CDH4: variants seen among roughly 807,000 people sequenced by gnomAD.
The protein encoded by CDH4 is cadherin 4, also known as cadherin-4.
In CDH4, 33 loss-of-function variants were observed where a neutral mutation model predicts 86.0. That is an observed-to-expected ratio of 0.38 (90% CI 0.29 to 0.51). The LOEUF (loss-of-function observed/expected upper bound fraction) is 0.51, where lower values mean the gene tolerates loss of function less well. CDH4 is among the 20% of genes least tolerant of loss of function. The pLI is 0.86. For synonymous variants in CDH4, 555 were observed against 549.4 expected, an observed-to-expected ratio of 1.01 and a Z score of -0.14; for missense variants, 1,114 against 1,307.4, an observed-to-expected ratio of 0.85 and a Z score of 2.28.
intron 2 of CDH4, among the ~76,000 whole-genome samples, chr20:61,405,582 A>C (rs1352483882): frequency 4.6e-5 from 7 of 152,118 alleles, no homozygotes; most frequent in Non-Finnish European, 1.0e-4. Flanking sequence ...ATGAAATCTG[A>C]GGCTGAAGTA....
intron 2 of CDH4, among the ~76,000 whole-genome samples, chr20:61,646,475 C>G (rs2087062433): frequency 6.6e-6 from 1 of 152,236 alleles, no homozygotes; most frequent in Non-Finnish European, 1.5e-5. Flanking sequence ...CCTGGGCTCA[C>G]CCTGGCTCTG....
In CDH4 at chr20:61,707,924, C is replaced by T. The variant is rs563614604; in HGVS notation, c.170-35639C>T. On this transcript the variant is annotated intron_variant, in intron 2 of 15. Coordinates refer to ENST00000614565, the MANE Select transcript of CDH4 (RefSeq NM_001794.5). The stretch of plus-strand genomic sequence containing the variant: ...AATGTGTCTGGTGTGTTTGTTTCCA[C>T]GTTATGCCTGCGGATGACAGGGAGG... 1.1e-4 allele frequency among the ~76,000 whole-genome samples: 17 copies of T among 152,274 alleles called. No individual in the cohort carries two copies. The South Asian group carries it at 3.1e-3, about 28-fold the overall frequency.
chr20:61,924,537 G>C (rs2055023977), intron 11 of CDH4, 61 bp downstream of exon 11: 1 of 1,561,448 alleles, frequency 6.4e-7, no homozygotes, highest in Non-Finnish European at 8.7e-7. Flanking sequence ...GGGTTCTGTG[G>C]GCGAGGGAGG....
At chr20:61,872,365 G>A (rs1417746953) in intron 6 of CDH4, among the ~76,000 whole-genome samples, 1 of 152,250 alleles carries the variant, frequency 6.6e-6, no homozygotes, top group African/African-American at 2.4e-5. Context: ...ATGAGGAGGA[G>A]TTGGCCAGGT....
At chr20:61,714,467 G>A (rs996351896) in intron 2 of CDH4, among the ~76,000 whole-genome samples, 2 of 151,744 alleles carry the variant, frequency 1.3e-5, no homozygotes, top group Non-Finnish European at 2.9e-5. Context: ...AGTGTTTTTG[G>A]TGACATGGAT....
At chr20:61,511,654 G>A (rs533278549) in intron 2 of CDH4, among the ~76,000 whole-genome samples, 20 of 152,352 alleles carry the variant, frequency 1.3e-4, no homozygotes, top group Admixed American at 2.6e-4. Flanking sequence ...CTTTGTGGCC[G>A]TTTTCTAGAT....
rs1038920300 is a variant in CDH4 at position 61,539,927 on chromosome 20, C to T, written c.170-203636C>T. Among the ~76,000 whole-genome samples the T allele has an allele frequency of 4.6e-5, 7 of 151,286 alleles. No individual in the cohort carries two copies. The South Asian group carries it at 1.4e-3, about 31-fold the overall frequency. On this transcript the variant is annotated intron_variant, in intron 2 of 15. Coordinates refer to ENST00000614565, the MANE Select transcript of CDH4 (RefSeq NM_001794.5). ...GAGAGTGTTTGGAGAACTGTGTGGACTCTGTGTGCTCACCACATTCCCTGT... is the reference window on the plus strand; with the variant it reads ...GAGAGTGTTTGGAGAACTGTGTGGATTCTGTGTGCTCACCACATTCCCTGT...
intron 2 of CDH4, among the ~76,000 whole-genome samples, chr20:61,318,061 T>C (rs897134559): frequency 6.6e-6 from 1 of 152,098 alleles, no homozygotes; most frequent in African/African-American, 2.4e-5. Context: ...GGTTTCCTGC[T>C]CTCCGTCCCG....
chr20:61,783,093 A>G (rs981489627), intron 4 of CDH4, among the ~76,000 whole-genome samples: 2 of 152,242 alleles, frequency 1.3e-5, no homozygotes, highest in East Asian at 3.8e-4. Context: ...TCAAAAAAAA[A>G]GAATTTCTTT....
intron 2 of CDH4, among the ~76,000 whole-genome samples, chr20:61,376,292 C>T (rs190675684): frequency 3.5e-4 from 53 of 151,828 alleles, no homozygotes; most frequent in African/African-American, 1.2e-3. Flanking sequence ...CCCCTGAGAC[C>T]GGCCACAAAA....
At chr20:61,476,062 G>C (rs1452487853) in intron 2 of CDH4, among the ~76,000 whole-genome samples, 1 of 152,230 alleles carries the variant, frequency 6.6e-6, no homozygotes, top group African/African-American at 2.4e-5. Context: ...AGGAATAACA[G>C]TAGTGGTGAC....
At chr20:61,642,598 T>TC (rs113334639) in intron 2 of CDH4, among the ~76,000 whole-genome samples, 1,788 of 152,260 alleles carry the variant, frequency 0.012, 26 homozygotes, top group African/African-American at 0.04. Flanking sequence ...TCCTTAAGAA[T>TC]CCCCCAATGA....
At chr20:61,882,455 T>C (rs1379650428) in intron 7 of CDH4, among the ~76,000 whole-genome samples, 1 of 152,216 alleles carries the variant, frequency 6.6e-6, no homozygotes, top group East Asian at 1.9e-4. Context: ...GAGAGATTTC[T>C]ATTCAAATCC....
intron 2 of CDH4, among the ~76,000 whole-genome samples, chr20:61,289,362 C>A (rs1377724306): frequency 5.3e-5 from 8 of 152,204 alleles, no homozygotes; most frequent in Admixed American, 1.3e-4. Flanking sequence ...GGTCATTTGG[C>A]CCCCAGGCTA....
intron 2 of CDH4, among the ~76,000 whole-genome samples, chr20:61,431,575 G>C (rs757865664): frequency 5.3e-4 from 80 of 152,040 alleles, no homozygotes; most frequent in Non-Finnish European, 1.1e-3. Flanking sequence ...GCCCAGGCTG[G>C]TCTCAAACTC....
intron 2 of CDH4, among the ~76,000 whole-genome samples, chr20:61,647,178 G>C (rs758191923): frequency 7.9e-5 from 12 of 152,158 alleles, no homozygotes; most frequent in African/African-American, 2.2e-4. Flanking sequence ...GTGTTCCCAA[G>C]CAGGTTCCCT....
At chr20:61,341,391 A>C (rs2084648343) in intron 2 of CDH4, among the ~76,000 whole-genome samples, 1 of 152,242 alleles carries the variant, frequency 6.6e-6, no homozygotes, top group Non-Finnish European at 1.5e-5. Context: ...AAATGACTCC[A>C]GTGACAGGGA....
At chr20:61,845,277 T>A (rs1982388590) in intron 5 of CDH4, among the ~76,000 whole-genome samples, 1 of 152,258 alleles carries the variant, frequency 6.6e-6, no homozygotes, top group South Asian at 2.1e-4. Context: ...GGGACAATAG[T>A]CCTGCAAGCT....
At chr20:61,346,519 G>A (rs1219387559) in intron 2 of CDH4, among the ~76,000 whole-genome samples, 9 of 152,076 alleles carry the variant, frequency 5.9e-5, no homozygotes, top group South Asian at 4.1e-4. Flanking sequence ...TGAGGCAGGC[G>A]GATCACCTGA....
Sources: allele counts gnomAD v4.1 joint callset (sites outside exome capture counted in the v4.1 genomes callset), GRCh38; gene constraint gnomAD v4.1.1; transcripts MANE v1.5; gene names NCBI Gene and HGNC (gene_info 2026-07-23, HGNC 2026-07-21).